Variants in SLC22A12 observed in about 807,000 individuals in gnomAD.
SLC22A12 encodes the protein organic anion transporter 4-like protein.
A neutral mutation model predicts 52.7 loss-of-function variants in SLC22A12; 56 were observed. The ratio of observed to expected loss-of-function variants is 1.06; its 90% CI spans 0.86 to 1.33. The LOEUF (loss-of-function observed/expected upper bound fraction) is 1.33. Among genes scored for constraint, SLC22A12 ranks in the 40% most tolerant of loss-of-function variants. The probability of loss-of-function intolerance (pLI) is 0.00; values close to 1 mark genes in which losing one functional copy is unlikely to be tolerated. For missense variants in SLC22A12, 683 were observed against 741.5 expected (o/e 0.92, Z 0.92); for synonymous variants, 337 against 324.6 (o/e 1.04, Z -0.41).
At chr11:64,592,338 G>A (rs1267024870) in intron 1 of SLC22A12, among the ~76,000 whole-genome samples, 5 of 152,074 alleles carry the variant, frequency 3.3e-5, no homozygotes, top group Non-Finnish European at 7.4e-5. Context: ...ACAGAGTAAG[G>A]GATTACCCCA....
At position 64,601,682 on chromosome 11, in the gene SLC22A12, C is replaced by T; in HGVS notation, c.*131C>T. Reference sequence around the variant, plus strand: ...TGCCCTCTGAGGTCCCCACTCTCCCCCAGGGCTGCCCCTCCAGGTGAGCCC... The same window carrying T: ...TGCCCTCTGAGGTCCCCACTCTCCCTCAGGGCTGCCCCTCCAGGTGAGCCC... On this transcript the variant is annotated 3_prime_UTR_variant, in exon 10 of 10. Transcript: ENST00000377574. 1 of 990,470 alleles carries T rather than the reference C, an allele frequency of 1.0e-6. No homozygotes were observed. Among genetic ancestry groups the T allele is most frequent in the Admixed American group, 2.0e-5 (1 of 49,682 alleles). The allele number at this position is 990,470 out of a possible 1,614,324, so 61.4% of individuals were successfully genotyped here.
chr11:64,591,352 A>G lies in SLC22A12; in HGVS notation c.-205A>G. ...ATCACCTCACGCGGCCTCAGGGCCC[A>G]GTTGGAGCCACCCCAAGTGACACCA... On this transcript the variant is annotated 5_prime_UTR_variant, in exon 1 of 10. Transcript: ENST00000377574. 1 of 661,688 alleles carries G rather than the reference A, an allele frequency of 1.5e-6. No homozygotes were observed. The highest frequency in any genetic ancestry group is 2.8e-5 in the East Asian group (1 of 36,178). The allele number at this position is 661,688 out of a possible 1,614,324, so 41.0% of individuals were successfully genotyped here.
At position 64,591,678 on chromosome 11, in the gene SLC22A12, C is replaced by T. The variant is rs755091597; in HGVS notation, c.122C>T (p.Ser41Leu). Residue 41 changes from serine (S) to leucine (L), a missense_variant, in exon 1 of 10, where the codon TCG becomes TTG. Transcript: ENST00000377574. ...LCTQSMLENF[S>L]AAVPSHRCWA... ...ACCCAGAGCATGCTGGAGAACTTCT[C>T]GGCCGCCGTGCCCAGCCACCGCTGC... is the stretch of plus-strand genomic sequence containing the variant. 20 of 1,612,428 alleles carry T rather than the reference C, an allele frequency of 1.2e-5. No individual in the cohort carries two copies. Among genetic ancestry groups the T allele is most frequent in the Admixed American group, 3.3e-5 (2 of 60,028 alleles).
Position 64,600,770 on chromosome 11 carries a change from G to C in SLC22A12, c.1430G>C (p.Arg477Pro), listed in dbSNP as rs773677616. The change falls in exon 9 of 10, where the codon CGT (arginine) becomes CCT (proline). Residue 477 changes from arginine (R) to proline (P), a missense_variant. Arg to Pro is a moderately radical substitution (Grantham distance 103). Transcript: ENST00000377574. ...GTGGGCTTGGGCCAGATGGCAGCCC[G>C]TGGAGGAGCCATCCTGGGGCCTCTG... ...TAVGLGQMAA[R>P]GGAILGPLVR... 1.2e-6 allele frequency: 2 copies of C among 1,605,280 alleles called. No individual in the cohort carries two copies. Among genetic ancestry groups the C allele is most frequent in the East Asian group, 4.5e-5 (2 of 44,886 alleles).
rs748654094 is a variant in SLC22A12 at position 64,593,655 on chromosome 11, C to T, written c.682C>T (p.Arg228Trp). ...TGCAGTGATGGAGTGGACGGCGGCACGGGCCCGACCCTTGGTGATGACCTT... is the reference window on the plus strand; with the variant it reads ...TGCAGTGATGGAGTGGACGGCGGCATGGGCCCGACCCTTGGTGATGACCTT... Reference protein sequence around the residue: ...GTLLMEWTAARARPLVMTLNS... With the variant: ...GTLLMEWTAAWARPLVMTLNS... Residue 228 changes from arginine to tryptophan, a missense_variant, in exon 4 of 10, where the codon CGG becomes TGG. Coordinates refer to ENST00000377574, the MANE Select transcript of SLC22A12 (RefSeq NM_144585.4). 7.6e-5 allele frequency: 122 copies of T among 1,614,054 alleles called. No individual in the cohort carries two copies. The highest frequency in any genetic ancestry group is 9.4e-5 in the Non-Finnish European group (111 of 1,180,056).
rs1057107758 is a variant in SLC22A12 at position 64,591,379 on chromosome 11, C to G, written c.-178C>G. On this transcript the variant is annotated 5_prime_UTR_variant, in exon 1 of 10. Coordinates refer to ENST00000377574, the MANE Select transcript of SLC22A12 (RefSeq NM_144585.4). Reference sequence around the variant, plus strand: ...TTGGAGCCACCCCAAGTGACACCAGCAGGCAGATGACCAGAGAGCCTGAGC... The same window carrying G: ...TTGGAGCCACCCCAAGTGACACCAGGAGGCAGATGACCAGAGAGCCTGAGC... The G allele has an allele frequency of 1.8e-5, 14 of 793,768 alleles. No homozygotes were observed. The highest frequency in any genetic ancestry group is 2.7e-5 in the Non-Finnish European group (14 of 509,644). The allele number at this position is 793,768 out of a possible 1,614,324, so 49.2% of individuals were successfully genotyped here.
chr11:64,591,725 A>G lies in SLC22A12; in HGVS notation c.169A>G (p.Ser57Gly), dbSNP rs1428516891. Residue 57 changes from serine (S) to glycine (G), a missense_variant, in exon 1 of 10, where the codon AGC becomes GGC. By Grantham distance (56) the Ser-to-Gly change is moderately conservative. Coordinates refer to ENST00000377574, the MANE Select transcript of SLC22A12 (RefSeq NM_144585.4). Reference sequence around the variant, plus strand: ...CTGCTGGGCACCCCTCCTGGACAACAGCACGGCTCAGGCCAGCATCCTAGG... The same window carrying G: ...CTGCTGGGCACCCCTCCTGGACAACGGCACGGCTCAGGCCAGCATCCTAGG... ...HRCWAPLLDN[S>G]TAQASILGSL... 6.2e-7 allele frequency: 1 copy of G among 1,612,710 alleles called. No homozygotes were observed. Among genetic ancestry groups the G allele is most frequent in the Non-Finnish European group, 8.5e-7 (1 of 1,180,020 alleles).
At chr11:64,598,684 C>T (rs1375297072) in intron 5 of SLC22A12, 45 bp downstream of exon 5, 1 of 1,600,850 alleles carries the variant, frequency 6.2e-7, no homozygotes, top group Non-Finnish European at 8.5e-7. Context: ...GACCCTCTCC[C>T]TGCCCCTGCA....
chr11:64,595,870 T>A (rs1252927616), intron 4 of SLC22A12, among the ~76,000 whole-genome samples: 5 of 138,226 alleles, frequency 3.6e-5, no homozygotes, highest in Non-Finnish European at 7.7e-5. Flanking sequence ...GTTGAATGGA[T>A]GGAATGGATG....
chr11:64,596,011 ATGGATGGATGGAATGGATGGATGGT>A (rs1275029022), intron 4 of SLC22A12, among the ~76,000 whole-genome samples: 3 of 109,968 alleles, frequency 2.7e-5, no homozygotes, highest in African/African-American at 6.0e-5. Flanking sequence ...GGATGGATGG[ATGGATGGATGGAATGGATGGATGGT>A]TGGAATAGAT....
At chr11:64,592,747 C>T (rs754314815) in intron 1 of SLC22A12, 32 bp from the exon 2 acceptor site, 4 of 1,583,024 alleles carry the variant, frequency 2.5e-6, no homozygotes, top group African/African-American at 1.3e-5. Context: ...CTCTCCCAAC[C>T]TCCTGAGCTC....
chr11:64,599,844 G>T lies in SLC22A12; in HGVS notation c.1239G>T (p.Leu413=), dbSNP rs1027485336. 5.1e-5 allele frequency: 82 copies of T among 1,612,820 alleles called. No homozygotes were observed. The highest frequency in any genetic ancestry group is 6.8e-5 in the Non-Finnish European group (80 of 1,179,850). ...GCCGCCCCACGCTGGCCGCATCCCT[G>T]TTGCTGGCAGGGCTCTGCATTCTGG... ...LGRRPTLAAS[L]LLAGLCILAN... is the part of the protein sequence containing the mutation. The change falls in exon 7 of 10, where the codon CTG becomes CTT. Residue 413 remains leucine (L), a synonymous_variant. Transcript: ENST00000377574.
At position 64,602,297 on chromosome 11, in the gene SLC22A12, G is replaced by A. The variant is rs551025667; in HGVS notation, c.*746G>A. 1 of 154,788 alleles carries A rather than the reference G, an allele frequency of 6.5e-6. No homozygotes were observed. The highest frequency in any genetic ancestry group is 6.3e-5 in the Admixed American group (1 of 15,792). 9.6% of individuals were successfully genotyped at this position (154,788 alleles called of 1,614,324 possible). ...ATGTCCCAGCTCCCCACACAGCGCT[G>A]GGCCAGAGAGGCATTGGTGCGAGGG... is the stretch of plus-strand genomic sequence containing the variant. On this transcript the variant is annotated 3_prime_UTR_variant, in exon 10 of 10. Coordinates refer to ENST00000377574, the MANE Select transcript of SLC22A12 (RefSeq NM_144585.4).
Position 64,600,789 on chromosome 11 carries a change from G to C in SLC22A12, c.1449G>C (p.Gly483=). ...QMAARGGAIL[G]PLVRLLGVHG... ...CAGCCCGTGGAGGAGCCATCCTGGG[G>C]CCTCTGGTCCGGCTGCTGGGTGTCC... Residue 483 remains glycine, a synonymous_variant, in exon 9 of 10, where the codon GGG becomes GGC. Coordinates refer to ENST00000377574, the MANE Select transcript of SLC22A12 (RefSeq NM_144585.4). 6.2e-7 allele frequency: 1 copy of C among 1,606,002 alleles called. No homozygotes were observed. The highest frequency in any genetic ancestry group is 8.5e-7 in the Non-Finnish European group (1 of 1,179,938).
intron 7 of SLC22A12, 46 bp downstream of exon 7, chr11:64,599,936 G>T (rs774327242): frequency 1.3e-6 from 2 of 1,581,670 alleles, no homozygotes; most frequent in Non-Finnish European, 1.7e-6. Flanking sequence ...ACCTTGGGGG[G>T]GTCTCGGGCT....
In SLC22A12 at chr11:64,591,420, T is replaced by A; in HGVS notation, c.-137T>A. ...GAGCCTGAGCCTCCGGCCCCGAGTCTGTGAAGCCTAGCCGCTGGGCTGGAG... is the reference window on the plus strand; with the variant it reads ...GAGCCTGAGCCTCCGGCCCCGAGTCAGTGAAGCCTAGCCGCTGGGCTGGAG... On this transcript the variant is annotated 5_prime_UTR_variant, in exon 1 of 10. Coordinates refer to ENST00000377574, the MANE Select transcript of SLC22A12 (RefSeq NM_144585.4). The A allele has an allele frequency of 8.3e-7, 1 of 1,199,738 alleles. No individual in the cohort carries two copies. The highest frequency in any genetic ancestry group is 1.2e-6 in the Non-Finnish European group (1 of 851,784). The allele number at this position is 1,199,738 out of a possible 1,614,324, so 74.3% of individuals were successfully genotyped here.
chr11:64,594,653 T>C (rs1000748706), intron 4 of SLC22A12, among the ~76,000 whole-genome samples: 4 of 152,140 alleles, frequency 2.6e-5, no homozygotes, highest in African/African-American at 9.6e-5. Context: ...GATGGATAGA[T>C]GGATGGATGG....
In SLC22A12 at chr11:64,593,821, C is replaced by A; in HGVS notation, c.830+18C>A. The A allele has an allele frequency of 1.2e-6, 2 of 1,600,776 alleles. No homozygotes were observed. On this transcript the variant is annotated intron_variant, in intron 4 of 9. Coordinates refer to ENST00000377574, the MANE Select transcript of SLC22A12 (RefSeq NM_144585.4). ...TACTCCTGGTGGGTGCTGTGCCCCA[C>A]TCCCCTCCTCAGAGGAGATCCTGCC...
At position 64,600,802 on chromosome 11, in the gene SLC22A12, C is replaced by T; in HGVS notation, c.1462C>T (p.Leu488=). The T allele has an allele frequency of 1.2e-6, 2 of 1,606,292 alleles. No homozygotes were observed. Among genetic ancestry groups the T allele is most frequent in the South Asian group, 2.2e-5 (2 of 91,068 alleles). The change falls in exon 9 of 10, where the codon CTG becomes TTG. Residue 488 remains leucine (L), a synonymous_variant. Transcript: ENST00000377574. ...AGCCATCCTGGGGCCTCTGGTCCGG[C>T]TGCTGGGTGTCCATGGCCCCTGGCT... ...GGAILGPLVR[L]LGVHGPWLPL...
Sources: allele counts gnomAD v4.1 joint callset (sites outside exome capture counted in the v4.1 genomes callset), GRCh38; gene constraint gnomAD v4.1.1; transcripts MANE v1.5; gene names NCBI Gene and HGNC (gene_info 2026-07-23, HGNC 2026-07-21).